The following TSHR variants were observed in gnomAD, a reference collection of about 807,000 sequenced individuals.
TSHR encodes the protein thyroid stimulating hormone receptor.
In TSHR, 51 loss-of-function variants were observed where a neutral mutation model predicts 64.1. The ratio of observed to expected loss-of-function variants is 0.80; its 90% CI spans 0.64 to 1.01. TSHR has a LOEUF of 1.01. Among genes scored for constraint, TSHR ranks in the 50% least tolerant of loss-of-function variants. The pLI is 0.00. For missense variants in TSHR, 877 were observed against 942.8 expected, an observed-to-expected ratio of 0.93 and a Z score of 0.91; for synonymous variants, 361 against 361.9, an observed-to-expected ratio of 1.00 and a Z score of 0.03.
In TSHR at chr14:81,087,962, G is replaced by A. The variant is rs121908865; in HGVS notation, c.326G>A (p.Arg109Gln). The change falls in exon 4 of 10, where the codon CGG becomes CAG. Residue 109 changes from arginine to glutamine, a missense_variant. Arg to Gln is a conservative substitution (Grantham distance 43). Coordinates refer to ENST00000298171, the MANE Select transcript of TSHR (RefSeq NM_000369.5). ...CCTTGTAACTTATACAGAGAAATTC[G>A]GAATACCAGGAACTTAACTTACATA... is the stretch of plus-strand genomic sequence containing the variant. ...NLSKVTHIEI[R>Q]NTRNLTYIDP... is the part of the protein sequence containing the mutation. The A allele has an allele frequency of 6.8e-6, 11 of 1,612,898 alleles. No individual in the cohort carries two copies. Among genetic ancestry groups the A allele is most frequent in the Admixed American group, 1.7e-5 (1 of 60,010 alleles).
At chr14:81,012,265 T>G (rs1412523659) in intron 1 of TSHR, 1 of 151,384 alleles carries the variant, frequency 6.6e-6, no homozygotes, top group Non-Finnish European at 1.5e-5. Flanking sequence ...ACAAAGGACA[T>G]GAACTCATCA....
chr14:80,990,553 A>C (rs59627467), intron 1 of TSHR, among the ~76,000 whole-genome samples: 28,918 of 152,146 alleles, frequency 0.19, 3,742 homozygotes, highest in East Asian at 0.43. Flanking sequence ...TACACCTGTT[A>C]CTTAACCCTG....
chr14:81,042,472 C>T (rs1449255417), intron 1 of TSHR, among the ~76,000 whole-genome samples: 1 of 152,054 alleles, frequency 6.6e-6, no homozygotes, highest in African/African-American at 2.4e-5. Context: ...TGAAGGAAAT[C>T]TTGTCATTTG....
At chr14:81,088,133 T>G in intron 4 of TSHR, 105 bp downstream of exon 4, 1 of 931,708 alleles carries the variant, frequency 1.1e-6, no homozygotes, top group Non-Finnish European at 1.8e-6. Flanking sequence ...CCAGGTTCAT[T>G]TTAATGGTGT....
intron 1 of TSHR, chr14:81,050,409 T>C (rs1011176155): frequency 5.3e-5 from 8 of 152,216 alleles, no homozygotes; most frequent in Non-Finnish European, 7.3e-5. Context: ...GGCAAACTTC[T>C]GAATATTTCA....
At position 81,145,766 on chromosome 14, in the gene TSHR, T is replaced by C. The variant is rs1443403457; in HGVS notation, c.*1413T>C. ...CTTCTTTTCCCCAATAATTCTTCTT[T>C]ACTTAAAATAGTCAGGATCTTTATC... On this transcript the variant is annotated 3_prime_UTR_variant, in exon 10 of 10. Transcript: ENST00000298171. 4.3e-6 allele frequency: 1 copy of C among 233,000 alleles called. No homozygotes were observed. The highest frequency in any genetic ancestry group is 8.5e-6 in the Non-Finnish European group (1 of 117,958). The allele number at this position is 233,000 out of a possible 1,614,324, so 14.4% of individuals were successfully genotyped here.
At chr14:81,105,948 C>T (rs1183293847) in intron 7 of TSHR, among the ~76,000 whole-genome samples, 1 of 151,918 alleles carries the variant, frequency 6.6e-6, no homozygotes, top group Non-Finnish European at 1.5e-5. Context: ...AATATCTTCT[C>T]TGCAGTTGTT....
At chr14:81,072,769 G>A (rs117145746) in intron 3 of TSHR, among the ~76,000 whole-genome samples, 2,420 of 148,782 alleles carry the variant, frequency 0.016, 68 homozygotes, top group Non-Finnish European at 0.026. Flanking sequence ...AGGCCGAGGC[G>A]GGCGGATCAC....
chr14:81,108,728 G>C (rs778382774), intron 8 of TSHR: 2 of 1,612,876 alleles, frequency 1.2e-6, no homozygotes, highest in African/African-American at 2.7e-5. Flanking sequence ...CAGAGGCTCT[G>C]TTCATGGAGC....
Position 81,139,815 on chromosome 14 carries a change from C to A in TSHR, c.829C>A (p.Leu277Ile), listed in dbSNP as rs767795064. The A allele has an allele frequency of 5.6e-6, 9 of 1,614,212 alleles. 1 individual carries two copies. The South Asian group carries it at 9.9e-5, about 18-fold the overall frequency. ...LSFLHLTRAD[L>I]SYPSHCCAFK... ...TTTCCTTCACCTCACACGGGCTGAC[C>A]TTTCTTACCCAAGCCACTGCTGTGC... The change falls in exon 9 of 10, where the codon CTT becomes ATT. Residue 277 changes from leucine to isoleucine, a missense_variant. Transcript: ENST00000298171.
chr14:80,974,769 T>C (rs1887780057), intron 1 of TSHR, among the ~76,000 whole-genome samples: 1 of 152,224 alleles, frequency 6.6e-6, no homozygotes, highest in African/African-American at 2.4e-5. Flanking sequence ...GGGATTGTGC[T>C]TTCTTTTTGT....
At chr14:81,015,093 T>C (rs572355261) in intron 1 of TSHR, among the ~76,000 whole-genome samples, 1 of 152,152 alleles carries the variant, frequency 6.6e-6, no homozygotes, top group Non-Finnish European at 1.5e-5. Context: ...TGATATAAAC[T>C]CAAAACCTCA....
chr14:81,136,443 C>G (rs891324261), intron 8 of TSHR, among the ~76,000 whole-genome samples: 3 of 149,354 alleles, frequency 2.0e-5, no homozygotes, highest in African/African-American at 7.6e-5. Flanking sequence ...CTAATTTGAG[C>G]AATCAAGTGG....
chr14:80,994,478 T>C (rs955494168), intron 1 of TSHR: 16 of 152,058 alleles, frequency 1.1e-4, no homozygotes, highest in African/African-American at 3.6e-4. Context: ...AACTTCAAAC[T>C]ATACTACAGG....
At chr14:81,011,376 T>G (rs1889897445) in intron 1 of TSHR, among the ~76,000 whole-genome samples, 1 of 152,162 alleles carries the variant, frequency 6.6e-6, no homozygotes, top group African/African-American at 2.4e-5. Flanking sequence ...CTGTTCAGGC[T>G]TTGCTATTTC....
chr14:81,045,596 A>G (rs1030626744), intron 1 of TSHR, among the ~76,000 whole-genome samples: 4 of 152,034 alleles, frequency 2.6e-5, no homozygotes, highest in Admixed American at 6.6e-5. Flanking sequence ...TCACGTGTCC[A>G]TGTGTTCTCA....
chr14:81,096,912 C>G (rs1239046263), intron 7 of TSHR, among the ~76,000 whole-genome samples: 1 of 130,142 alleles, frequency 7.7e-6, no homozygotes, highest in South Asian at 2.6e-4. Context: ...AGTTCCAAAG[C>G]TTTTCTCCCT....
chr14:80,987,876 A>T (rs753519327), intron 1 of TSHR, among the ~76,000 whole-genome samples: 1 of 152,176 alleles, frequency 6.6e-6, no homozygotes, highest in Non-Finnish European at 1.5e-5. Flanking sequence ...ATATGAAAAT[A>T]TTGCCCTTCC....
chr14:81,110,736 A>C (rs1214063366), intron 8 of TSHR, among the ~76,000 whole-genome samples: 1 of 152,220 alleles, frequency 6.6e-6, no homozygotes, highest in Non-Finnish European at 1.5e-5. Flanking sequence ...AGATTGAAAA[A>C]TGAGAATCTT....
Sources: allele counts gnomAD v4.1 joint callset (sites outside exome capture counted in the v4.1 genomes callset), GRCh38; gene constraint gnomAD v4.1.1; transcripts MANE v1.5; gene names NCBI Gene and HGNC (gene_info 2026-07-23, HGNC 2026-07-21).